TTC28: variants seen among roughly 807,000 people sequenced by gnomAD.
TTC28 encodes the protein tetratricopeptide repeat protein 28.
TTC28 carries 61 observed loss-of-function variants against 198.0 expected under a neutral mutation model. The ratio of observed to expected loss-of-function variants is 0.31; its 90% CI spans 0.25 to 0.38. The LOEUF (loss-of-function observed/expected upper bound fraction) is 0.38, where lower values mean the gene tolerates loss of function less well. Ranked by LOEUF, TTC28 falls within the 10% of genes least tolerant of loss-of-function variation. The pLI is 1.00. For synonymous variants in TTC28, 1,171 were observed against 1,297.8 expected, an observed-to-expected ratio of 0.90 and a Z score of 2.10; for missense variants, 2,678 against 3,164.0, an observed-to-expected ratio of 0.85 and a Z score of 3.69.
chr22:28,476,379 G>A (rs779862548), intron 2 of TTC28, among the ~76,000 whole-genome samples: 2 of 151,964 alleles, frequency 1.3e-5, no homozygotes, highest in African/African-American at 4.8e-5. Context: ...TGGACAACTG[G>A]GTATTTTCCA....
At chr22:28,333,620 T>C (rs935166408) in intron 2 of TTC28, among the ~76,000 whole-genome samples, 2 of 152,162 alleles carry the variant, frequency 1.3e-5, no homozygotes, top group African/African-American at 2.4e-5. Flanking sequence ...ACCACACTTC[T>C]ATAGCAGCTA....
intron 12 of TTC28, among the ~76,000 whole-genome samples, chr22:28,072,165 T>C (rs1941010577): frequency 6.6e-6 from 1 of 152,222 alleles, no homozygotes; most frequent in East Asian, 1.9e-4. Flanking sequence ...ATGAAATGCA[T>C]GTTATCACTG....
intron 6 of TTC28, among the ~76,000 whole-genome samples, chr22:28,129,478 C>T (rs182532922): frequency 6.6e-6 from 1 of 152,280 alleles, no homozygotes; most frequent in Non-Finnish European, 1.5e-5. Flanking sequence ...AGGAGCTTGG[C>T]GGTCAAGGAT....
chr22:28,071,092 G>A (rs1006432155), intron 12 of TTC28, among the ~76,000 whole-genome samples: 1 of 151,952 alleles, frequency 6.6e-6, no homozygotes, highest in Non-Finnish European at 1.5e-5. Context: ...ATCCAAGGGT[G>A]GGAAAGGTAG....
Position 28,191,324 on chromosome 22 carries a change from C to T in TTC28, c.934-27725G>A, listed in dbSNP as rs192079700. Among the ~76,000 whole-genome samples, 99 of 152,322 alleles carry T rather than the reference C, an allele frequency of 6.5e-4. No homozygotes were observed. In the South Asian group the frequency reaches 0.013, roughly 19 times the overall value. ...TGGTTCAGAAATTACACAGTTCTTG[C>T]GAATAGGAACAGCTCCAGTCTACAG... is the stretch of plus-strand genomic sequence containing the variant. On this transcript the variant is annotated intron_variant, in intron 5 of 22. Transcript: ENST00000397906.
At chr22:28,458,218 T>C (rs190792351) in intron 2 of TTC28, among the ~76,000 whole-genome samples, 2 of 152,240 alleles carry the variant, frequency 1.3e-5, no homozygotes, top group African/African-American at 4.8e-5. Context: ...TCCAAAATAA[T>C]AACACAATAC....
intron 1 of TTC28, among the ~76,000 whole-genome samples, chr22:28,646,316 GA>G (rs2051466227): frequency 6.6e-6 from 1 of 152,180 alleles, no homozygotes; most frequent in African/African-American, 2.4e-5. Flanking sequence ...TGGCTGCAGA[GA>G]AGATAAAATA....
intron 5 of TTC28, among the ~76,000 whole-genome samples, chr22:28,209,905 C>T (rs975658683): frequency 6.6e-6 from 1 of 152,168 alleles, no homozygotes; most frequent in South Asian, 2.1e-4. Context: ...CCGACTGACA[C>T]CTCATACAGA....
chr22:28,180,189 T>A (rs1923566350), intron 5 of TTC28, among the ~76,000 whole-genome samples: 1 of 152,168 alleles, frequency 6.6e-6, no homozygotes, highest in African/African-American at 2.4e-5. Flanking sequence ...TTAATGAGTG[T>A]ATTGCTGCCT....
At chr22:28,281,094 T>G (rs2044574239) in intron 5 of TTC28, among the ~76,000 whole-genome samples, 1 of 152,202 alleles carries the variant, frequency 6.6e-6, no homozygotes, top group Non-Finnish European at 1.5e-5. Context: ...TTATGCTGTT[T>G]GAGAGTAGCT....
intron 2 of TTC28, among the ~76,000 whole-genome samples, chr22:28,514,890 C>A (rs2048752398): frequency 6.6e-6 from 1 of 152,142 alleles, no homozygotes. Context: ...TGTTTCATCC[C>A]ATATATACCA....
At chr22:28,123,719 A>C (rs1370905837) in intron 6 of TTC28, among the ~76,000 whole-genome samples, 1 of 152,000 alleles carries the variant, frequency 6.6e-6, no homozygotes, top group Non-Finnish European at 1.5e-5. Context: ...GCGGTGGCTT[A>C]TGCCTGTAAT....
chr22:28,332,313 T>C (rs2045629354), intron 2 of TTC28, among the ~76,000 whole-genome samples: 1 of 152,024 alleles, frequency 6.6e-6, no homozygotes, highest in Admixed American at 6.6e-5. Context: ...ATATCTTATG[T>C]AAAGAATCCT....
At chr22:28,323,961 CAT>C (rs1477713561) in intron 2 of TTC28, among the ~76,000 whole-genome samples, 1 of 152,080 alleles carries the variant, frequency 6.6e-6, no homozygotes, top group Non-Finnish European at 1.5e-5. Context: ...AGTGGCATGA[CAT>C]ATTTAAAGAG....
At chr22:28,676,707 AT>A (rs1043805449) in intron 1 of TTC28, among the ~76,000 whole-genome samples, 8 of 148,458 alleles carry the variant, frequency 5.4e-5, no homozygotes, top group African/African-American at 7.5e-5. Flanking sequence ...AAGAAACTCT[AT>A]TTTTTTATTA....
intron 5 of TTC28, among the ~76,000 whole-genome samples, 193 bp from the exon 6 acceptor site, chr22:28,163,792 G>C (rs975221261): frequency 6.6e-6 from 1 of 152,174 alleles, no homozygotes; most frequent in Non-Finnish European, 1.5e-5. Context: ...ATCTCACTGG[G>C]GAGTGCCGGA....
At chr22:28,123,521 T>C (rs1942842028) in intron 6 of TTC28, among the ~76,000 whole-genome samples, 1 of 151,934 alleles carries the variant, frequency 6.6e-6, no homozygotes, top group South Asian at 2.1e-4. Context: ...CCTCCCAACA[T>C]GTTGGGATTA....
intron 2 of TTC28, among the ~76,000 whole-genome samples, chr22:28,399,694 G>A (rs1294921561): frequency 1.3e-5 from 2 of 152,100 alleles, no homozygotes; most frequent in African/African-American, 4.8e-5. Flanking sequence ...AATACTATCA[G>A]TTCAAAGATA....
At chr22:27,995,917 A>G (rs1200370150) in intron 17 of TTC28, among the ~76,000 whole-genome samples, 4 of 152,190 alleles carry the variant, frequency 2.6e-5, no homozygotes, top group African/African-American at 9.7e-5. Context: ...CCCTGGGGAT[A>G]CTGCCCACTT....
Sources: allele counts gnomAD v4.1 joint callset (sites outside exome capture counted in the v4.1 genomes callset), GRCh38; gene constraint gnomAD v4.1.1; transcripts MANE v1.5; gene names NCBI Gene and HGNC (gene_info 2026-07-23, HGNC 2026-07-21).